The following PRKCE variants were observed in gnomAD, a reference collection of about 807,000 sequenced individuals.
PRKCE encodes protein kinase C epsilon type.
A neutral mutation model predicts 85.4 loss-of-function variants in PRKCE; 16 were observed. The ratio of observed to expected loss-of-function variants is 0.19; its 90% CI spans 0.13 to 0.28. The LOEUF is 0.28. PRKCE is among the 10% of genes least tolerant of loss of function. The pLI is 1.00. For missense variants in PRKCE, 573 were observed against 975.2 expected (o/e 0.59, Z 5.49); for synonymous variants, 388 against 371.5 (o/e 1.04, Z -0.51).
intron 12 of PRKCE, among the ~76,000 whole-genome samples, chr2:46,147,644 C>T (rs1676207669): frequency 6.6e-6 from 1 of 152,216 alleles, no homozygotes; most frequent in Non-Finnish European, 1.5e-5. Flanking sequence ...CAAATTACAG[C>T]TGATAAAGGT....
intron 10 of PRKCE, among the ~76,000 whole-genome samples, chr2:46,047,051 G>T (rs1413033034): frequency 6.6e-6 from 1 of 152,162 alleles, no homozygotes; most frequent in Non-Finnish European, 1.5e-5. Context: ...TTCTTTTTAG[G>T]TCAGGAGAGG....
intron 11 of PRKCE, among the ~76,000 whole-genome samples, chr2:46,132,426 C>G (rs1469970915): frequency 6.6e-6 from 1 of 152,160 alleles, no homozygotes; most frequent in Non-Finnish European, 1.5e-5. Context: ...TATCCTCCTG[C>G]CTCCCTCCAA....
intron 13 of PRKCE, among the ~76,000 whole-genome samples, chr2:46,156,344 T>C (rs1677202096): frequency 6.6e-6 from 1 of 152,186 alleles, no homozygotes; most frequent in African/African-American, 2.4e-5. Flanking sequence ...CATCACACTG[T>C]CAGAGCCTGC....
At chr2:45,747,344 A>G (rs1683222443) in intron 1 of PRKCE, among the ~76,000 whole-genome samples, 1 of 152,182 alleles carries the variant, frequency 6.6e-6, no homozygotes, top group Admixed American at 6.5e-5. Context: ...CCCAGTACCT[A>G]TTAAACACTA....
intron 2 of PRKCE, among the ~76,000 whole-genome samples, chr2:45,918,636 G>A (rs1698011554): frequency 6.6e-6 from 1 of 152,154 alleles, no homozygotes; most frequent in Non-Finnish European, 1.5e-5. Flanking sequence ...AATCTCTGAA[G>A]CTTTATGGTT....
intron 11 of PRKCE, among the ~76,000 whole-genome samples, chr2:46,131,979 A>T (rs1003656696): frequency 2.6e-5 from 4 of 152,030 alleles, no homozygotes; most frequent in Admixed American, 6.5e-5. Flanking sequence ...TATTATTTTT[A>T]TTATTATTAT....
At chr2:46,100,127 T>C (rs1671066196) in intron 11 of PRKCE, among the ~76,000 whole-genome samples, 1 of 152,168 alleles carries the variant, frequency 6.6e-6, no homozygotes, top group South Asian at 2.1e-4. Context: ...TTGAAGAGCA[T>C]CTGAAAATGA....
intron 1 of PRKCE, among the ~76,000 whole-genome samples, chr2:45,762,829 G>T (rs558770886): frequency 2.0e-4 from 31 of 152,322 alleles, no homozygotes; most frequent in African/African-American, 7.5e-4. Flanking sequence ...AGGATAAAAA[G>T]CTTCTGTGCT....
intron 10 of PRKCE, among the ~76,000 whole-genome samples, chr2:46,021,262 A>G (rs1275295395): frequency 6.6e-6 from 1 of 152,112 alleles, no homozygotes; most frequent in Non-Finnish European, 1.5e-5. Context: ...TGGAGTTCTT[A>G]CTCTGCTAGG....
rs935594123 is a variant in PRKCE, at chr2:45,774,988, C to A, written c.349-68012C>A. Among the ~76,000 whole-genome samples, 2 of 152,100 alleles carry A rather than the reference C, an allele frequency of 1.3e-5. No homozygotes were observed. The highest frequency in any genetic ancestry group is 4.8e-5 in the African/African-American group (2 of 41,440). The stretch of plus-strand genomic sequence containing the variant: ...AATGACAATAGCAGCGTAGACACTT[C>A]TCAGTTATTTACAAGTGGATTCCTC... On this transcript the variant is annotated intron_variant, in intron 1 of 14. Transcript: ENST00000306156. The surrounding 1 kb of genome is among the most constrained non-coding windows in gnomAD (Gnocchi z 4.3).
intron 1 of PRKCE, among the ~76,000 whole-genome samples, chr2:45,685,198 C>G (rs543250604): frequency 3.9e-5 from 6 of 152,262 alleles, no homozygotes; most frequent in Admixed American, 3.9e-4. Context: ...AAGATCAGTT[C>G]TCTGATGAAA....
At chr2:45,802,669 G>A (rs539522275) in intron 1 of PRKCE, among the ~76,000 whole-genome samples, 1 of 152,246 alleles carries the variant, frequency 6.6e-6, no homozygotes, top group Admixed American at 6.5e-5. Context: ...GCTCCACTCC[G>A]CCCCACTTCA....
At chr2:46,175,498 C>T (rs905637486) in intron 14 of PRKCE, among the ~76,000 whole-genome samples, 2 of 152,162 alleles carry the variant, frequency 1.3e-5, no homozygotes, top group African/African-American at 4.8e-5. Context: ...TCATTTAATC[C>T]TCATAACAAA....
chr2:46,168,246 G>C (rs780365939), intron 14 of PRKCE, among the ~76,000 whole-genome samples: 25 of 152,082 alleles, frequency 1.6e-4, no homozygotes, highest in Non-Finnish European at 2.8e-4. Flanking sequence ...ATGCCTTCCT[G>C]GGTTCATCAG....
chr2:45,996,917 A>T (rs1254626416), intron 6 of PRKCE, among the ~76,000 whole-genome samples: 1 of 152,094 alleles, frequency 6.6e-6, no homozygotes, highest in Non-Finnish European at 1.5e-5. Flanking sequence ...TTTCTTCCTT[A>T]AGTGTTTGGC....
At chr2:45,773,598 T>C (rs893199187) in intron 1 of PRKCE, among the ~76,000 whole-genome samples, 3 of 152,228 alleles carry the variant, frequency 2.0e-5, no homozygotes, top group Admixed American at 6.5e-5. Flanking sequence ...CTCCTGGGCC[T>C]CCCTTCTCAC....
chr2:46,113,954 A>G (rs1672507285), intron 11 of PRKCE, among the ~76,000 whole-genome samples: 1 of 152,144 alleles, frequency 6.6e-6, no homozygotes, highest in South Asian at 2.1e-4. Flanking sequence ...AGATACTGCT[A>G]GTTATTCATC....
At chr2:46,118,626 C>T (rs190107947) in intron 11 of PRKCE, among the ~76,000 whole-genome samples, 1 of 152,252 alleles carries the variant, frequency 6.6e-6, no homozygotes, top group East Asian at 1.9e-4. Context: ...AATAAGGAGG[C>T]TCCCCATGCT....
intron 11 of PRKCE, among the ~76,000 whole-genome samples, chr2:46,132,874 T>C (rs1674601004): frequency 6.6e-6 from 1 of 152,216 alleles, no homozygotes; most frequent in Non-Finnish European, 1.5e-5. Flanking sequence ...CCTCCTAACC[T>C]TGAATGAGGC....
Sources: gnomAD v4.1 joint callset for allele counts (sites outside exome capture counted in the v4.1 genomes callset) on GRCh38, gnomAD v4.1.1 for gene constraint, Gnocchi (gnomAD v3.1) non-coding constraint, MANE v1.5 for transcripts, NCBI Gene and HGNC (gene_info 2026-07-23, HGNC 2026-07-21) for gene names.